TMEM260: variants seen among roughly 807,000 people sequenced by gnomAD.
TMEM260 encodes the protein transmembrane protein 260, also known as protein O-mannosyl-transferase TMEM260.
Under a neutral mutation model 88.9 loss-of-function variants are expected in TMEM260, and 82 were observed. That is an observed-to-expected ratio of 0.92 (90% confidence interval 0.77 to 1.11). TMEM260 has a LOEUF of 1.11. TMEM260 is among the 50% of genes least tolerant of loss of function. TMEM260 has a pLI of 0.00. For missense variants in TMEM260, 902 were observed against 853.4 expected (o/e 1.06, Z -0.71); for synonymous variants, 314 against 309.3 (o/e 1.02, Z -0.16).
intron 6 of TMEM260, among the ~76,000 whole-genome samples, chr14:56,610,967 CTTTTT>C (rs61185871): frequency 8.5e-6 from 1 of 118,014 alleles, no homozygotes. Context: ...TTCTTTCTTT[CTTTTT>C]TTTTTTTTTT....
chr14:56,649,985 T>C (rs1405892605), downstream of TMEM260: 14 of 378,818 alleles, frequency 3.7e-5, no homozygotes, highest in East Asian at 1.0e-3. Flanking sequence ...CATTCCCAGA[T>C]GAACTACTTT....
rs997138842 is a variant in TMEM260, at chr14:56,599,249, G to A, written c.345-4566G>A. On this transcript the variant is annotated intron_variant, in intron 3 of 15. Coordinates refer to ENST00000261556, the MANE Select transcript of TMEM260 (RefSeq NM_017799.4). The stretch of plus-strand genomic sequence containing the variant: ...TGTCCTTCTGTCCTTTTGCCCTCCT[G>A]TCCCTCTGACCTAGTAAAGCCTCAA... Among the ~76,000 whole-genome samples, 8 of 152,040 alleles carry A rather than the reference G, an allele frequency of 5.3e-5. No homozygotes were observed. In the East Asian group the frequency reaches 1.5e-3, roughly 29 times the overall value.
chr14:56,660,857 C>T, the TMEM260 span, among the ~76,000 whole-genome samples: 3 of 152,192 alleles, frequency 2.0e-5, no homozygotes, highest in Non-Finnish European at 4.4e-5. Flanking sequence ...CTTAATAGTG[C>T]ACCTGTCCAC....
At chr14:56,611,355 TAA>T (rs929199109) in intron 6 of TMEM260, among the ~76,000 whole-genome samples, 3 of 152,286 alleles carry the variant, frequency 2.0e-5, no homozygotes, top group Non-Finnish European at 4.4e-5. Context: ...GACTCTGAAC[TAA>T]AGACTTTGAG....
intron 3 of TMEM260, among the ~76,000 whole-genome samples, chr14:56,602,953 C>T (rs1207280298): frequency 6.6e-6 from 1 of 152,122 alleles, no homozygotes; most frequent in Admixed American, 6.6e-5. Flanking sequence ...TTTTCTAACA[C>T]TATTAGAAAT....
intron 15 of TMEM260, among the ~76,000 whole-genome samples, chr14:56,637,825 A>G (rs1889228871): frequency 6.6e-6 from 1 of 152,168 alleles, no homozygotes; most frequent in Admixed American, 6.5e-5. Context: ...TCCATAGCAA[A>G]TAGTGTGTTG....
chr14:56,584,072 A>T (rs1885325229), intron 1 of TMEM260, among the ~76,000 whole-genome samples: 1 of 151,556 alleles, frequency 6.6e-6, no homozygotes, highest in Non-Finnish European at 1.5e-5. Context: ...ATTATAAGTG[A>T]TTTCAGTATG....
intron 15 of TMEM260, among the ~76,000 whole-genome samples, chr14:56,645,197 A>G (rs1032954313): frequency 3.3e-5 from 5 of 149,958 alleles, no homozygotes; most frequent in Admixed American, 1.4e-4. Context: ...ATGCACACAT[A>G]TGTTTATTGC....
At chr14:56,643,213 G>T (rs573404523) in intron 15 of TMEM260, among the ~76,000 whole-genome samples, 2 of 151,272 alleles carry the variant, frequency 1.3e-5, no homozygotes, top group Admixed American at 6.6e-5. Flanking sequence ...ACAACAAAAA[G>T]AATTTTAGAC....
chr14:56,623,085 G>C (rs538796918), intron 11 of TMEM260, among the ~76,000 whole-genome samples: 1 of 152,110 alleles, frequency 6.6e-6, no homozygotes, highest in Non-Finnish European at 1.5e-5. Context: ...TGTGACATGG[G>C]GCTAATGATT....
In TMEM260 at chr14:56,585,017, C is replaced by T. The variant is rs144653056; in HGVS notation, c.177C>T (p.Ala59=). The T allele has an allele frequency of 4.2e-5, 68 of 1,611,942 alleles. No homozygotes were observed. The African/African-American group carries it at 5.1e-4, about 12-fold the overall frequency. The stretch of plus-strand genomic sequence containing the variant: ...TTTTCACAGGGGAACTGATCACAGC[C>T]GCACATGAGCTTGGAGTAAGTATTA... ...PGGDSGELIT[A]AHELGVAHPP... The change falls in exon 2 of 16, where the codon GCC becomes GCT. Residue 59 remains alanine, a synonymous_variant. Transcript: ENST00000261556.
intron 6 of TMEM260, among the ~76,000 whole-genome samples, chr14:56,611,846 A>C (rs1887298011): frequency 6.6e-6 from 1 of 152,178 alleles, no homozygotes. Flanking sequence ...ACACCATGGA[A>C]TACTACACAG....
intron 15 of TMEM260, among the ~76,000 whole-genome samples, chr14:56,643,364 T>G (rs1889737346): frequency 6.6e-6 from 1 of 152,090 alleles, no homozygotes; most frequent in Non-Finnish European, 1.5e-5. Context: ...CATACGCAAA[T>G]CAATCAATGT....
In TMEM260 at chr14:56,622,894, C is replaced by G. The variant is rs17091822; in HGVS notation, c.1398+1192C>G. Among the ~76,000 whole-genome samples, 1,458 of 152,086 alleles carry G rather than the reference C, an allele frequency of 9.6e-3. 43 individuals carry two copies. In the East Asian group the frequency reaches 0.1, roughly 10 times the overall value. ...AGCAGTTGCATTTATATCATGGATG[C>G]CGATTGATTAATTTGAACTTCAGTC... On this transcript the variant is annotated intron_variant, in intron 11 of 15. Coordinates refer to ENST00000261556, the MANE Select transcript of TMEM260 (RefSeq NM_017799.4).
At chr14:56,597,202 T>C (rs1255458614) in intron 3 of TMEM260, among the ~76,000 whole-genome samples, 2 of 152,290 alleles carry the variant, frequency 1.3e-5, no homozygotes, top group Admixed American at 1.3e-4. Flanking sequence ...AAATCCGAAA[T>C]CTAGAATGTT....
At chr14:56,586,946 A>G (rs1362119081) in intron 3 of TMEM260, among the ~76,000 whole-genome samples, 1 of 151,692 alleles carries the variant, frequency 6.6e-6, no homozygotes, top group South Asian at 2.1e-4. Flanking sequence ...TATATTATTA[A>G]ATTTGTTATT....
At chr14:56,653,060 A>G (rs10146601), downstream of TMEM260, among the ~76,000 whole-genome samples, 31,723 of 152,012 alleles carry the variant, frequency 0.21, 5,206 homozygotes, top group African/African-American at 0.45. Context: ...TTGGGAGGCC[A>G]AGGCAGGTGG....
intron 10 of TMEM260, 93 bp downstream of exon 10, chr14:56,618,856 G>T: frequency 7.8e-7 from 1 of 1,282,964 alleles, no homozygotes; most frequent in Non-Finnish European, 1.1e-6. Context: ...TTAACTTCTG[G>T]TTTTCAAGAC....
intron 10 of TMEM260, 98 bp downstream of exon 10, chr14:56,618,861 C>T: frequency 1.6e-6 from 2 of 1,240,950 alleles, no homozygotes; most frequent in African/African-American, 1.5e-5. Context: ...TTCTGGTTTT[C>T]AAGACTCAAA....
Sources: gnomAD v4.1 joint callset for allele counts (sites outside exome capture counted in the v4.1 genomes callset) on GRCh38, gnomAD v4.1.1 for gene constraint, MANE v1.5 for transcripts, NCBI Gene and HGNC (gene_info 2026-07-23, HGNC 2026-07-21) for gene names.